RARB: variants seen among roughly 807,000 people sequenced by gnomAD.
The protein encoded by RARB is retinoic acid receptor beta.
In RARB, 17 loss-of-function variants were observed where a neutral mutation model predicts 51.9. That is an observed-to-expected ratio of 0.33 (90% CI 0.22 to 0.49). RARB has a LOEUF of 0.49. Ranked by LOEUF, RARB falls within the 20% of genes least tolerant of loss-of-function variation. RARB has a pLI of 0.99. For synonymous variants in RARB, 215 were observed against 195.4 expected, an observed-to-expected ratio of 1.10 and a Z score of -0.84; for missense variants, 369 against 550.8, an observed-to-expected ratio of 0.67 and a Z score of 3.30.
intron 5 of RARB, among the ~76,000 whole-genome samples, chr3:25,278,341 GC>G (rs1170648868): frequency 6.6e-6 from 1 of 152,176 alleles, no homozygotes; most frequent in Non-Finnish European, 1.5e-5. Context: ...TATGAGAGTT[GC>G]CCCTTGGAAG....
chr3:24,947,125 A>T (rs956780719), intron 2 of RARB, among the ~76,000 whole-genome samples: 1 of 152,196 alleles, frequency 6.6e-6, no homozygotes, highest in African/African-American at 2.4e-5. Context: ...CCAAGACAAG[A>T]CATATGTCTA....
chr3:25,077,952 A>AT (rs1206285985), intron 3 of RARB, among the ~76,000 whole-genome samples: 31 of 151,952 alleles, frequency 2.0e-4, no homozygotes, highest in African/African-American at 2.4e-5. Flanking sequence ...GAAGCTGACC[A>AT]TTTTTTCCCA....
intron 5 of RARB, among the ~76,000 whole-genome samples, chr3:25,416,814 T>C (rs912940491): frequency 2.0e-5 from 3 of 152,212 alleles, no homozygotes; most frequent in African/African-American, 7.2e-5. Flanking sequence ...GTCACTCGTT[T>C]TGTCATGGAC....
At chr3:25,399,644 C>T (rs1707212004) in intron 5 of RARB, among the ~76,000 whole-genome samples, 1 of 152,170 alleles carries the variant, frequency 6.6e-6, no homozygotes, top group Non-Finnish European at 1.5e-5. Flanking sequence ...AACTTCAGAC[C>T]TCTTGTTCTG....
chr3:25,099,392 T>G (rs1382089919), intron 3 of RARB, among the ~76,000 whole-genome samples: 1 of 152,056 alleles, frequency 6.6e-6, no homozygotes, highest in Non-Finnish European at 1.5e-5. Flanking sequence ...AAAGGAAAAA[T>G]ATTAATGTAA....
chr3:25,557,864 C>T (rs1179640286), intron 3 of RARB, among the ~76,000 whole-genome samples: 1 of 152,188 alleles, frequency 6.6e-6, no homozygotes, highest in Non-Finnish European at 1.5e-5. Flanking sequence ...ACCCTATTCC[C>T]TGCAGAGCTC....
chr3:25,361,031 C>T (rs181216268), intron 5 of RARB, among the ~76,000 whole-genome samples: 9 of 152,298 alleles, frequency 5.9e-5, no homozygotes, highest in African/African-American at 1.7e-4. Flanking sequence ...GCCTACCTTG[C>T]TGGGTTGGGG....
chr3:24,925,577 G>C (rs979585581), intron 2 of RARB, among the ~76,000 whole-genome samples: 1 of 151,016 alleles, frequency 6.6e-6, no homozygotes, highest in Non-Finnish European at 1.5e-5. Context: ...AGGAGATCGA[G>C]GGAGGCTGTA....
rs35830598 is a variant in RARB, at chr3:25,403,838, G to GAA, written c.179-57344_179-57343dup. On this transcript the variant is annotated intron_variant, in intron 5 of 11. Transcript: ENST00000383772. ...ATGAAATTGGCCATCATCTTCATTA[G>GAA]AAAAAAAAAAAAGATGCCAAGTGTC... 4.0e-4 allele frequency among the ~76,000 whole-genome samples: 27 copies of GAA among 68,288 alleles called. 1 individual carries two copies. Among genetic ancestry groups the GAA allele is most frequent in the Admixed American group, 1.5e-3 (11 of 7,356 alleles). The allele number at this position is 68,288 out of a possible 152,430, so 44.8% of individuals were successfully genotyped here. A position where few individuals can be genotyped will look rare whatever the true frequency, so the allele number is the denominator to read the frequency against.
chr3:24,926,539 T>A (rs1470841939), intron 2 of RARB, among the ~76,000 whole-genome samples: 1 of 152,098 alleles, frequency 6.6e-6, no homozygotes, highest in East Asian at 1.9e-4. Context: ...TCACCAGGAC[T>A]TGATGACTTA....
In RARB at chr3:25,575,398, C is replaced by G. The variant is rs146086059; in HGVS notation, c.610-5148C>G. 6.7e-4 allele frequency among the ~76,000 whole-genome samples: 102 copies of G among 152,298 alleles called. 1 individual carries two copies. The East Asian group carries it at 0.019, about 29-fold the overall frequency. ...GACTGCATACCTACTGTGTTAGTTT[C>G]CTAGGGCTGCTGGAACAAAATAATA... On this transcript the variant is annotated intron_variant, in intron 4 of 7. Transcript: ENST00000330688.
intron 2 of RARB, among the ~76,000 whole-genome samples, chr3:24,926,796 A>G (rs532211390): frequency 1.2e-4 from 19 of 152,234 alleles, no homozygotes; most frequent in Middle Eastern, 3.4e-3. Flanking sequence ...AGAACAAACT[A>G]TATTGTTCAA....
intron 2 of RARB, among the ~76,000 whole-genome samples, chr3:24,910,510 A>G (rs892834114): frequency 1.3e-5 from 2 of 152,210 alleles, no homozygotes; most frequent in African/African-American, 4.8e-5. Context: ...TTTACAAAGG[A>G]GAGCTGTTTT....
intron 2 of RARB, among the ~76,000 whole-genome samples, chr3:25,007,592 C>CAAAAAAAAAAAAAACA (rs759589176): frequency 2.2e-5 from 1 of 45,418 alleles, no homozygotes; most frequent in African/African-American, 1.1e-4. Flanking sequence ...GAGACTGTCT[C>CAAAAAAAAAAAAAACA]AAAAAAAAAA....
chr3:25,166,146 G>A (rs1054824473), intron 4 of RARB, among the ~76,000 whole-genome samples: 3 of 151,876 alleles, frequency 2.0e-5, no homozygotes, highest in African/African-American at 7.3e-5. Flanking sequence ...TTAAAAGGAG[G>A]TAAGAAATGC....
chr3:24,852,878 G>C (rs1225109686), intron 1 of RARB, among the ~76,000 whole-genome samples: 2 of 152,116 alleles, frequency 1.3e-5, no homozygotes, highest in Admixed American at 6.5e-5. Flanking sequence ...TTATTTTTTG[G>C]GGGGTTGTGG....
intron 2 of RARB, among the ~76,000 whole-genome samples, chr3:25,054,700 ATGGAGCACAAACTG>A (rs75379718): frequency 0.078 from 11,806 of 152,172 alleles, 500 homozygotes; most frequent in Non-Finnish European, 0.099. Context: ...GAGCTGGAAA[ATGGAGCACAAACTG>A]TGGAGCACAA....
chr3:25,272,941 C>G (rs934655851), intron 5 of RARB, among the ~76,000 whole-genome samples: 1 of 152,186 alleles, frequency 6.6e-6, no homozygotes, highest in African/African-American at 2.4e-5. Flanking sequence ...TTTTGAAATA[C>G]CCATTCCTAT....
chr3:25,534,478 A>G (rs1427765762), intron 3 of RARB, among the ~76,000 whole-genome samples: 1 of 151,998 alleles, frequency 6.6e-6, no homozygotes, highest in African/African-American at 2.4e-5. Context: ...GTCACTGCTC[A>G]CAAGCCCTGT....
Sources: gnomAD v4.1 joint callset for allele counts (sites outside exome capture counted in the v4.1 genomes callset) on GRCh38, gnomAD v4.1.1 for gene constraint, MANE v1.5 for transcripts, NCBI Gene and HGNC (gene_info 2026-07-23, HGNC 2026-07-21) for gene names.